Variants in USP42 observed in about 807,000 individuals in gnomAD.
USP42 encodes the protein ubiquitin specific peptidase 42.
USP42 carries 23 observed loss-of-function variants against 113.0 expected under a neutral mutation model. The ratio of observed to expected loss-of-function variants is 0.20; its 90% CI spans 0.15 to 0.29. USP42 has a LOEUF of 0.29. Ranked by LOEUF, USP42 falls within the 10% of genes least tolerant of loss-of-function variation. The pLI is 1.00. For missense variants in USP42, 2,174 were observed against 1,779.8 expected, an observed-to-expected ratio of 1.22 and a Z score of -3.99; for synonymous variants, 933 against 699.0, an observed-to-expected ratio of 1.33 and a Z score of -5.28.
Position 6,139,019 on chromosome 7 carries a change from A to G in USP42, c.554-73A>G. 1.1e-6 allele frequency: 1 copy of G among 911,956 alleles called. No individual in the cohort carries two copies. The highest frequency in any genetic ancestry group is 1.7e-6 in the Non-Finnish European group (1 of 602,294). The allele number at this position is 911,956 out of a possible 1,614,324, so 56.5% of individuals were successfully genotyped here. ...TTTCCAACCAACATATTATTATAAG[A>G]TATATTTTGGGGGGTACAACTTAGG... On this transcript the variant is annotated intron_variant, in intron 4 of 17. Transcript: ENST00000306177. This position sits in a 1 kb window ranked among gnomAD's most constrained non-coding sequence, Gnocchi z 4.5.
In USP42 at chr7:6,111,266, A is replaced by C. The variant is rs746078856; in HGVS notation, c.133A>C (p.Asn45His). The change falls in exon 2 of 18, where the codon AAT becomes CAT. Residue 45 changes from asparagine to histidine, a missense_variant. Asn to His is a moderately conservative substitution (Grantham distance 68). Transcript: ENST00000306177. ...CAGCTGGGGTGCTGTGTCTTCATTG[A>C]ATGATGTGTCAAATCACACACTTTC... ...SASWGAVSSLNDVSNHTLSLG... is the reference protein window; with the variant it reads ...SASWGAVSSLHDVSNHTLSLG... 5 of 1,608,202 alleles carry C rather than the reference A, an allele frequency of 3.1e-6. No individual in the cohort carries two copies. In the South Asian group the frequency reaches 5.5e-5, roughly 18 times the overall value.
rs1782665088 is a variant in USP42, at chr7:6,159,748, C to T, written c.*36+255C>T. ...GCATCCTTCACGCAGGCAGAGTCGC[C>T]CTGTTCCCTTGTGCCTCACTTGGGA... On this transcript the variant is annotated intron_variant, in intron 17 of 17. Coordinates refer to ENST00000306177, the MANE Select transcript of USP42 (RefSeq NM_032172.3). The surrounding 1 kb of genome is among the most constrained non-coding windows in gnomAD (Gnocchi z 4.1). Among the ~76,000 whole-genome samples, 1 of 152,244 alleles carries T rather than the reference C, an allele frequency of 6.6e-6. No homozygotes were observed. The highest frequency in any genetic ancestry group is 2.4e-5 in the African/African-American group (1 of 41,464).
chr7:6,088,664 G>A, the USP42 span: 2 of 151,252 alleles, frequency 1.3e-5, no homozygotes, highest in South Asian at 2.1e-4. Flanking sequence ...TCTCATCATC[G>A]ATCTTTCACC....
At chr7:6,086,961 C>T in the USP42 span, among the ~76,000 whole-genome samples, 6 of 150,134 alleles carry the variant, frequency 4.0e-5, no homozygotes, top group Admixed American at 6.6e-5. Flanking sequence ...CTCCTGACTT[C>T]GGGTGATTTG....
At chr7:6,129,869 A>G (rs927008065) in intron 3 of USP42, among the ~76,000 whole-genome samples, 3 of 152,100 alleles carry the variant, frequency 2.0e-5, no homozygotes, top group African/African-American at 7.2e-5. Context: ...TCAAAAAAAA[A>G]AAAAAAAGGT....
In USP42 at chr7:6,153,745, G is replaced by C; in HGVS notation, c.2202-11G>C. 6.9e-7 allele frequency: 1 copy of C among 1,440,450 alleles called. No homozygotes were observed. The highest frequency in any genetic ancestry group is 1.5e-5 in the South Asian group (1 of 67,254). The allele number at this position is 1,440,450 out of a possible 1,614,324, so 89.2% of individuals were successfully genotyped here. A position where few individuals can be genotyped will look rare whatever the true frequency, so the allele number is the denominator to read the frequency against. On this transcript the variant is annotated splice_polypyrimidine_tract_variant and intron_variant, in intron 14 of 17. Coordinates refer to ENST00000306177, the MANE Select transcript of USP42 (RefSeq NM_032172.3). Reference sequence around the variant, plus strand: ...CGCTAACGGGCGTGTTTGTTTGTTTGGGGGCTGCAGTGCACCTGGAGCAGA... The same window carrying C: ...CGCTAACGGGCGTGTTTGTTTGTTTCGGGGCTGCAGTGCACCTGGAGCAGA...
Position 6,105,647 on chromosome 7 carries a change from G to C in USP42, c.-10+615G>C, listed in dbSNP as rs552191417. On this transcript the variant is annotated intron_variant, in intron 1 of 17. Coordinates refer to ENST00000306177, the MANE Select transcript of USP42 (RefSeq NM_032172.3). ...AGAGTCCGAGGTGCCCACGCCGGGC[G>C]GAGCGGCCACCCCGAAGGGAGAGGA... Among the ~76,000 whole-genome samples the C allele has an allele frequency of 8.1e-4, 123 of 152,336 alleles. 2 individuals carry two copies. In the South Asian group the frequency reaches 0.023, roughly 28 times the overall value.
intron 15 of USP42, 128 bp from the exon 16 acceptor site, chr7:6,156,622 CTAAT>C: frequency 1.5e-6 from 2 of 1,363,484 alleles, no homozygotes; most frequent in South Asian, 1.8e-5. Context: ...GCCTACGTGG[CTAAT>C]TAGATAAGAA....
chr7:6,099,904 A>G, the USP42 span, among the ~76,000 whole-genome samples: 111 of 150,652 alleles, frequency 7.4e-4, no homozygotes, highest in Non-Finnish European at 1.3e-3. Context: ...TGGAGGTTGC[A>G]GTTAGCCAAG....
intron 10 of USP42, among the ~76,000 whole-genome samples, 163 bp from the exon 11 acceptor site, chr7:6,145,985 G>A (rs981141517): frequency 6.6e-6 from 1 of 152,074 alleles, no homozygotes; most frequent in African/African-American, 2.4e-5. Flanking sequence ...CAGGAGAATC[G>A]CTTGAACCCA....
rs181701655 is a variant in USP42, at chr7:6,154,240, G to T, written c.2686G>T (p.Ala896Ser). ...PSQSLGAPEAAERPPAPVLDM... is the reference protein window; with the variant it reads ...PSQSLGAPEASERPPAPVLDM... The stretch of plus-strand genomic sequence containing the variant: ...CCAGAGCTTGGGCGCACCCGAGGCC[G>T]CAGAGCGGCCGCCAGCTCCTGTGCT... The change falls in exon 15 of 18, where the codon GCA (alanine) becomes TCA (serine). Residue 896 changes from alanine (A) to serine (S), a missense_variant. Ala to Ser is a moderately conservative substitution (Grantham distance 99). Transcript: ENST00000306177. 4,499 of 1,604,756 alleles carry T rather than the reference G, an allele frequency of 2.8e-3. 10 individuals are homozygous for T. Among genetic ancestry groups the T allele is most frequent in the Non-Finnish European group, 3.1e-3 (3,599 of 1,177,578 alleles).
the USP42 span, among the ~76,000 whole-genome samples, chr7:6,097,964 A>G: frequency 7.8e-6 from 1 of 128,536 alleles, no homozygotes; most frequent in African/African-American, 3.1e-5. Context: ...GAGTGCTGTG[A>G]CACAATCTTG....
At chr7:6,112,424 T>C (rs934174292) in intron 2 of USP42, among the ~76,000 whole-genome samples, 1 of 151,726 alleles carries the variant, frequency 6.6e-6, no homozygotes, top group African/African-American at 2.4e-5. Context: ...CATTTCAGCC[T>C]GGGCAACAGA....
chr7:6,092,777 C>T, the USP42 span, among the ~76,000 whole-genome samples: 1 of 151,392 alleles, frequency 6.6e-6, no homozygotes, highest in Admixed American at 6.6e-5. Flanking sequence ...CAGCCACAGT[C>T]TCAGATTTCC....
At chr7:6,106,079 A>G (rs548152682) in intron 1 of USP42, among the ~76,000 whole-genome samples, 2 of 152,208 alleles carry the variant, frequency 1.3e-5, no homozygotes, top group East Asian at 1.9e-4. Flanking sequence ...CACTCATTCA[A>G]ATTGCCTAGG....
chr7:6,092,305 A>C, the USP42 span, among the ~76,000 whole-genome samples: 1 of 146,534 alleles, frequency 6.8e-6, no homozygotes, highest in Non-Finnish European at 1.5e-5. Context: ...AGACCTCCTG[A>C]GTAGCTGGGA....
At chr7:6,147,430 C>T (rs537238034) in intron 11 of USP42, among the ~76,000 whole-genome samples, 269 of 152,186 alleles carry the variant, frequency 1.8e-3, no homozygotes, top group African/African-American at 6.2e-3. Flanking sequence ...GGCGACGCAG[C>T]AAGACCCTGT....
chr7:6,111,036 C>G (rs1220863047), intron 1 of USP42, 89 bp from the exon 2 acceptor site: 1 of 1,348,892 alleles, frequency 7.4e-7, no homozygotes, highest in African/African-American at 1.5e-5. Context: ...TTTAAAATGG[C>G]TGGAATGATC....
chr7:6,144,213 A>G lies in USP42; in HGVS notation c.990+17A>G, dbSNP rs778563184. ...ATTGCTAAGGTATGTGGATGATGTCATTAATCATGTTTTATGTCGAGCCTT... is the reference window on the plus strand; with the variant it reads ...ATTGCTAAGGTATGTGGATGATGTCGTTAATCATGTTTTATGTCGAGCCTT... On this transcript the variant is annotated intron_variant, in intron 9 of 17. Transcript: ENST00000306177. 1.3e-6 allele frequency: 2 copies of G among 1,505,718 alleles called. No individual in the cohort carries two copies. The highest frequency in any genetic ancestry group is 1.8e-6 in the Non-Finnish European group (2 of 1,102,456). The allele number at this position is 1,505,718 out of a possible 1,614,324, so 93.3% of individuals were successfully genotyped here.
Sources: allele counts gnomAD v4.1 joint callset (sites outside exome capture counted in the v4.1 genomes callset), GRCh38; gene constraint gnomAD v4.1.1; non-coding constraint Gnocchi (gnomAD v3.1); transcripts MANE v1.5; gene names NCBI Gene and HGNC (gene_info 2026-07-23, HGNC 2026-07-21).